Variants in PHF24 observed in about 807,000 individuals in gnomAD.
The protein encoded by PHF24 is PHD finger protein 24.
In PHF24, 25 loss-of-function variants were observed where a neutral mutation model predicts 42.6. The observed-to-expected ratio is 0.59, with a 90% CI of 0.43 to 0.82. PHF24 has a LOEUF of 0.82. PHF24 is among the 40% of genes least tolerant of loss of function. The pLI is 0.00. For missense variants in PHF24, 470 were observed against 538.1 expected (o/e 0.87, Z 1.25); for synonymous variants, 185 against 204.8 (o/e 0.90, Z 0.83).
At chr9:34,883,950 G>T in the PHF24 span, among the ~76,000 whole-genome samples, 1 of 152,190 alleles carries the variant, frequency 6.6e-6, no homozygotes, top group East Asian at 1.9e-4. Flanking sequence ...CAATAGCAAA[G>T]ACTTGGAACC....
At chr9:34,697,114 G>A in the PHF24 span, among the ~76,000 whole-genome samples, 2 of 152,186 alleles carry the variant, frequency 1.3e-5, no homozygotes, top group African/African-American at 4.8e-5. Flanking sequence ...TGGGAGTTGT[G>A]TTAATATTCT....
chr9:34,977,519 C>A (rs1472907297), intron 6 of PHF24, 27 bp from the exon 7 acceptor site: 1 of 1,587,786 alleles, frequency 6.3e-7, no homozygotes, highest in Admixed American at 1.7e-5. Flanking sequence ...TATCCCACTC[C>A]TAACCACGTG....
At chr9:34,866,491 T>C in the PHF24 span, among the ~76,000 whole-genome samples, 1 of 152,186 alleles carries the variant, frequency 6.6e-6, no homozygotes, top group Non-Finnish European at 1.5e-5. Flanking sequence ...GAAGGCCACG[T>C]ACCTTACATA....
chr9:34,802,875 A>T, the PHF24 span, among the ~76,000 whole-genome samples: 1 of 152,132 alleles, frequency 6.6e-6, no homozygotes, highest in Non-Finnish European at 1.5e-5. Context: ...CACTGACTTC[A>T]TCTAGAAATT....
At chr9:34,721,449 T>A in the PHF24 span, among the ~76,000 whole-genome samples, 2 of 150,618 alleles carry the variant, frequency 1.3e-5, no homozygotes, top group African/African-American at 4.9e-5. Flanking sequence ...AGTTTTGCTC[T>A]TGTCGCCCAG....
the PHF24 span, among the ~76,000 whole-genome samples, chr9:34,894,149 C>T: frequency 2.0e-5 from 3 of 152,162 alleles, no homozygotes; most frequent in East Asian, 1.9e-4. Context: ...TAGCTTGTCT[C>T]GTGGCTGAAT....
the PHF24 span, among the ~76,000 whole-genome samples, chr9:34,780,953 GTCTA>G: frequency 2.6e-5 from 4 of 152,162 alleles, no homozygotes; most frequent in African/African-American, 9.7e-5. Context: ...ATACTAGAAT[GTCTA>G]TAATAAAACA....
the PHF24 span, chr9:34,922,555 C>G: frequency 1.0e-6 from 1 of 972,800 alleles, no homozygotes. Flanking sequence ...TAGTGATCTC[C>G]TTTCATTTTC....
At chr9:34,971,521 G>C in exon 2 of PHF24, 1 of 1,614,166 alleles carries the variant, frequency 6.2e-7, no homozygotes, top group African/African-American at 1.3e-5. Context: ...GAGTAGTGCC[G>C]GCCGCGCAGC....
At chr9:34,716,877 G>T in the PHF24 span, among the ~76,000 whole-genome samples, 1 of 152,184 alleles carries the variant, frequency 6.6e-6, no homozygotes. Flanking sequence ...CCAAAGTACT[G>T]GGATTACAGG....
At chr9:34,709,975 G>A in the PHF24 span, 1 of 1,614,072 alleles carries the variant, frequency 6.2e-7, no homozygotes, top group Non-Finnish European at 8.5e-7. Flanking sequence ...TTAGCCCCAT[G>A]CAAGGCCCCT....
chr9:34,821,428 C>T, the PHF24 span, among the ~76,000 whole-genome samples: 3 of 152,006 alleles, frequency 2.0e-5, no homozygotes, highest in Non-Finnish European at 4.4e-5. Flanking sequence ...CTCAGGGTTC[C>T]CTTTCCTTTA....
At chr9:34,845,272 C>T in the PHF24 span, among the ~76,000 whole-genome samples, 1 of 152,142 alleles carries the variant, frequency 6.6e-6, no homozygotes, top group East Asian at 1.9e-4. Flanking sequence ...TTTTTTACTC[C>T]ACTCTGCCAC....
exon 5 of PHF24, chr9:34,976,551 G>C: frequency 6.2e-7 from 1 of 1,613,322 alleles, no homozygotes; most frequent in Non-Finnish European, 8.5e-7. Flanking sequence ...CCCTGACACT[G>C]GAGGACTTTC....
the PHF24 span, among the ~76,000 whole-genome samples, chr9:34,710,751 G>C: frequency 1.3e-5 from 2 of 152,030 alleles, no homozygotes; most frequent in South Asian, 4.1e-4. Flanking sequence ...TGGGACCACA[G>C]GCACATGCCA....
the PHF24 span, among the ~76,000 whole-genome samples, chr9:34,921,062 G>A: frequency 3.4e-4 from 52 of 152,164 alleles, no homozygotes; most frequent in East Asian, 1.9e-4. Context: ...TCCTTGTCTC[G>A]TTCCAGAACT....
At chr9:34,729,183 T>C in the PHF24 span, 1 of 1,344,980 alleles carries the variant, frequency 7.4e-7, no homozygotes, top group South Asian at 1.6e-5. Context: ...ACTGAAAGTA[T>C]GCTATAAAAA....
the PHF24 span, among the ~76,000 whole-genome samples, chr9:34,929,401 G>C: frequency 0.05 from 7,577 of 152,202 alleles, 263 homozygotes; most frequent in Non-Finnish European, 0.076. Flanking sequence ...ATTTGCTTAT[G>C]GTCTGTCTCC....
the PHF24 span, among the ~76,000 whole-genome samples, chr9:34,734,870 G>A: frequency 6.6e-6 from 1 of 152,182 alleles, no homozygotes; most frequent in Admixed American, 6.5e-5. Flanking sequence ...ATACCATCAA[G>A]AGCATGGAGG....
Sources: allele counts gnomAD v4.1 joint callset (sites outside exome capture counted in the v4.1 genomes callset), GRCh38; gene constraint gnomAD v4.1.1; transcripts MANE v1.5; gene names NCBI Gene and HGNC (gene_info 2026-07-23, HGNC 2026-07-21).